The following KANSL1 variants were observed in gnomAD, a reference collection of about 807,000 sequenced individuals.
The protein encoded by KANSL1 is KAT8 regulatory NSL complex subunit 1, also known as MLL1/MLL complex subunit KANSL1.
A neutral mutation model predicts 103.6 loss-of-function variants in KANSL1; 22 were observed. The observed-to-expected ratio is 0.21, with a 90% CI of 0.15 to 0.30. The LOEUF (loss-of-function observed/expected upper bound fraction) is 0.30, where lower values mean the gene tolerates loss of function less well. Among genes scored for constraint, KANSL1 ranks in the 10% least tolerant of loss-of-function variants. The probability of loss-of-function intolerance (pLI) is 1.00; values close to 1 mark genes in which losing one functional copy is unlikely to be tolerated. For missense variants in KANSL1, 1,337 were observed against 1,399.8 expected, an observed-to-expected ratio of 0.96 and a Z score of 0.72; for synonymous variants, 600 against 527.6, an observed-to-expected ratio of 1.14 and a Z score of -1.88.
intron 1 of KANSL1, among the ~76,000 whole-genome samples, chr17:46,220,697 T>C (rs1301357341): frequency 2.0e-5 from 3 of 152,268 alleles, no homozygotes; most frequent in African/African-American, 7.2e-5. Flanking sequence ...GTGTTGTTGC[T>C]GTTGTTTGAG....
At chr17:46,133,763 T>C (rs1261692485) in intron 2 of KANSL1, among the ~76,000 whole-genome samples, 1 of 152,206 alleles carries the variant, frequency 6.6e-6, no homozygotes, top group Non-Finnish European at 1.5e-5. Context: ...ATGAAGGAGT[T>C]TTTTAACCAA....
chr17:46,045,606 G>T (rs1209585523), intron 7 of KANSL1: 2 of 152,158 alleles, frequency 1.3e-5, no homozygotes, highest in Middle Eastern at 3.2e-3. Context: ...CAGAAAAGGG[G>T]GAGTGTTCCC....
chr17:46,188,095 A>G (rs1487574113), intron 1 of KANSL1, among the ~76,000 whole-genome samples: 1 of 152,240 alleles, frequency 6.6e-6, no homozygotes, highest in East Asian at 1.9e-4. Flanking sequence ...GAAACAAATA[A>G]TAATAGTTAC....
intron 2 of KANSL1, among the ~76,000 whole-genome samples, chr17:46,102,058 G>A (rs2042345314): frequency 6.6e-6 from 1 of 152,140 alleles, no homozygotes; most frequent in African/African-American, 2.4e-5. Flanking sequence ...AGATGGAGGG[G>A]ATAAAGCACA....
At chr17:46,064,740 TCACAGGAATGAGGAGGAATAC>T (rs1313945573) in intron 6 of KANSL1, among the ~76,000 whole-genome samples, 4 of 152,124 alleles carry the variant, frequency 2.6e-5, no homozygotes, top group African/African-American at 9.7e-5. Flanking sequence ...TCCTCATCTT[TCACAGGAATGAGGAGGAATAC>T]CTAAGCTCTG....
chr17:46,065,604 G>A (rs2078349965), intron 6 of KANSL1, among the ~76,000 whole-genome samples: 1 of 152,084 alleles, frequency 6.6e-6, no homozygotes, highest in Non-Finnish European at 1.5e-5. Flanking sequence ...AAGTCAGGGT[G>A]GTTAACATGC....
At chr17:46,108,901 G>A (rs4997213) in intron 2 of KANSL1, among the ~76,000 whole-genome samples, 16,368 of 151,890 alleles carry the variant, frequency 0.11, 1,230 homozygotes, top group Non-Finnish European at 0.16. Flanking sequence ...CACAAACCAG[G>A]GAAAATAAAG....
At chr17:46,219,571 T>C (rs2907489) in intron 1 of KANSL1, among the ~76,000 whole-genome samples, 14,181 of 141,504 alleles carry the variant, frequency 0.1, no homozygotes, top group Middle Eastern at 0.16. Context: ...TTTGCCATGT[T>C]GCCCAGGCTG....
intron 2 of KANSL1, among the ~76,000 whole-genome samples, chr17:46,169,127 A>G (rs2046154216): frequency 6.6e-6 from 1 of 152,250 alleles, no homozygotes; most frequent in Non-Finnish European, 1.5e-5. Flanking sequence ...TATACCTCTA[A>G]GCACAAAATA....
chr17:46,117,982 A>G (rs1440054338), intron 2 of KANSL1, among the ~76,000 whole-genome samples: 1 of 152,252 alleles, frequency 6.6e-6, no homozygotes, highest in Non-Finnish European at 1.5e-5. Context: ...ACTGCTGACA[A>G]AACAGCAGTT....
chr17:46,034,167 G>A lies in KANSL1; in HGVS notation c.2660C>T (p.Thr887Met), dbSNP rs779806189. The A allele has an allele frequency of 1.2e-6, 2 of 1,613,722 alleles. No homozygotes were observed. Among genetic ancestry groups the A allele is most frequent in the South Asian group, 1.1e-5 (1 of 90,998 alleles). ...VEKLQYKEIL[T>M]PSWREVDLQS... ...AACTATTCTGAGCTTCTACCTGGGC[G>A]TAAGGATTTCCTTGTATTGCAGTTT... The change falls in exon 11 of 15, where the codon ACG becomes ATG. Residue 887 changes from threonine to methionine, a missense_variant. Physicochemically the swap from Thr to Met is moderately conservative, Grantham distance 81. Around this residue, in one of 2 missense-constraint regions of KANSL1, gnomAD observed 780 missense variants for 923.4 expected, o/e 0.84. Coordinates refer to ENST00000432791, the MANE Select transcript of KANSL1 (RefSeq NM_015443.4).
At chr17:46,096,311 CTTT>C (rs71138525) in intron 2 of KANSL1, among the ~76,000 whole-genome samples, 111 of 76,388 alleles carry the variant, frequency 1.5e-3, no homozygotes, top group East Asian at 0.014. Context: ...GCTTTTTTTT[CTTT>C]TTTTTTTTTT....
At chr17:46,201,584 A>G (rs1221472602) in intron 1 of KANSL1, among the ~76,000 whole-genome samples, 1 of 152,174 alleles carries the variant, frequency 6.6e-6, no homozygotes, top group African/African-American at 2.4e-5. Context: ...AATTTTGTAT[A>G]AAACTGGTCG....
At chr17:46,183,971 C>T (rs1241303866) in intron 1 of KANSL1, among the ~76,000 whole-genome samples, 2 of 152,200 alleles carry the variant, frequency 1.3e-5, no homozygotes. Flanking sequence ...CTACTTCAAG[C>T]ATCCCATATT....
intron 6 of KANSL1, among the ~76,000 whole-genome samples, chr17:46,064,881 A>T (rs1050126461): frequency 6.6e-6 from 1 of 151,476 alleles, no homozygotes; most frequent in African/African-American, 2.4e-5. Context: ...TTAATTAATT[A>T]ATTTTTTATT....
At chr17:46,098,849 G>A (rs55825513) in intron 2 of KANSL1, among the ~76,000 whole-genome samples, 21,670 of 152,020 alleles carry the variant, frequency 0.14, 2,121 homozygotes, top group Non-Finnish European at 0.22. Flanking sequence ...AAGCGTCCAA[G>A]AAGTATCTTG....
chr17:46,129,580 C>A (rs2043744407), intron 2 of KANSL1, among the ~76,000 whole-genome samples: 1 of 152,174 alleles, frequency 6.6e-6, no homozygotes, highest in Admixed American at 6.5e-5. Flanking sequence ...GTACTGGTAT[C>A]AGGAATCTGA....
At chr17:46,125,558 A>ATATAGGGGTGTATG in intron 2 of KANSL1, among the ~76,000 whole-genome samples, 1 of 152,160 alleles carries the variant, frequency 6.6e-6, no homozygotes, top group Non-Finnish European at 1.5e-5. Context: ...AGGGGGTACC[A>ATATAGGGGTGTATG]CTCCCAAGAC....
rs972978116 is a variant in KANSL1, at chr17:46,168,975, C to T, written c.1289+1880G>A. ...GTACTTTTATTTCATTGGTTTGTAA[C>T]GCTTACCTACAACAGTACCAAAACT... is the stretch of plus-strand genomic sequence containing the variant. On this transcript the variant is annotated intron_variant, in intron 2 of 14. Coordinates refer to ENST00000432791, the MANE Select transcript of KANSL1 (RefSeq NM_015443.4). Among the ~76,000 whole-genome samples, 8 of 152,166 alleles carry T rather than the reference C, an allele frequency of 5.3e-5. No individual in the cohort carries two copies. The South Asian group carries it at 6.2e-4, about 12-fold the overall frequency.
Sources: gnomAD v4.1 joint callset for allele counts (sites outside exome capture counted in the v4.1 genomes callset) on GRCh38, gnomAD v4.1.1 for gene constraint, gnomAD v4.1.1 regional missense constraint, MANE v1.5 for transcripts, NCBI Gene and HGNC (gene_info 2026-07-23, HGNC 2026-07-21) for gene names.